SLC17A1: variants seen among roughly 807,000 people sequenced by gnomAD.
SLC17A1 encodes solute carrier family 17 member 1, also known as sodium-dependent phosphate transport protein 1.
SLC17A1 carries 51 observed loss-of-function variants against 53.5 expected under a neutral mutation model. The observed-to-expected ratio is 0.95, with a 90% confidence interval of 0.76 to 1.20. The LOEUF (loss-of-function observed/expected upper bound fraction) is 1.20. Ranked by LOEUF, SLC17A1 falls within the 50% of genes most tolerant of loss-of-function variation. The probability of loss-of-function intolerance (pLI) is 0.00; values close to 1 mark genes in which losing one functional copy is unlikely to be tolerated. For missense variants in SLC17A1, 538 were observed against 568.2 expected (o/e 0.95, Z 0.54); for synonymous variants, 179 against 198.8 (o/e 0.90, Z 0.84).
the SLC17A1 span, among the ~76,000 whole-genome samples, chr6:25,739,705 T>C: frequency 2.0e-5 from 3 of 152,204 alleles, no homozygotes; most frequent in East Asian, 1.9e-4. Context: ...TTACATACTA[T>C]ATGATTCCAT....
chr6:25,732,077 C>T, the SLC17A1 span: 2 of 1,116,176 alleles, frequency 1.8e-6, no homozygotes, highest in Non-Finnish European at 2.5e-6. Flanking sequence ...ATCTCTTGCG[C>T]TTTTTGTCCT....
chr6:25,806,208 G>C (rs1356048250), intron 10 of SLC17A1, among the ~76,000 whole-genome samples: 1 of 152,062 alleles, frequency 6.6e-6, no homozygotes, highest in Non-Finnish European at 1.5e-5. Flanking sequence ...TCATCCTAGG[G>C]ATGCAAGCAT....
intron 10 of SLC17A1, among the ~76,000 whole-genome samples, chr6:25,802,986 G>A (rs1324264935): frequency 1.8e-4 from 19 of 107,746 alleles, no homozygotes; most frequent in African/African-American, 6.2e-4. Context: ...TTGCTCTGTC[G>A]CCCAGGCTGG....
chr6:25,755,570 A>C, the SLC17A1 span, among the ~76,000 whole-genome samples: 12 of 152,352 alleles, frequency 7.9e-5, no homozygotes, highest in Admixed American at 5.9e-4. Context: ...CAGTCTTGGC[A>C]AGAAAAACTG....
intron 6 of SLC17A1, among the ~76,000 whole-genome samples, chr6:25,817,005 G>T (rs529521315): frequency 2.0e-5 from 3 of 151,994 alleles, no homozygotes; most frequent in Non-Finnish European, 4.4e-5. Context: ...CTGCCACCAC[G>T]CCCAGCTAAT....
At chr6:25,767,293 T>C in the SLC17A1 span, among the ~76,000 whole-genome samples, 1 of 152,244 alleles carries the variant, frequency 6.6e-6, no homozygotes, top group Middle Eastern at 3.4e-3. Context: ...GCAAAATACA[T>C]CATGTTTTTA....
intron 3 of SLC17A1, among the ~76,000 whole-genome samples, chr6:25,826,220 G>T (rs1764734981): frequency 6.6e-6 from 1 of 151,956 alleles, no homozygotes; most frequent in African/African-American, 2.4e-5. Flanking sequence ...TTGTAAAGAA[G>T]CCCTAACTCT....
chr6:25,768,401 C>A, the SLC17A1 span: 6 of 988,028 alleles, frequency 6.1e-6, no homozygotes, highest in Non-Finnish European at 6.0e-6. Context: ...ACAGGGATAT[C>A]CCCAGAGCTC....
At chr6:25,741,314 A>G in the SLC17A1 span, among the ~76,000 whole-genome samples, 1 of 151,814 alleles carries the variant, frequency 6.6e-6, no homozygotes, top group Non-Finnish European at 1.5e-5. Context: ...TCACACCTGT[A>G]ATCCCAGCAC....
At chr6:25,807,177 G>T (rs1763987024) in intron 10 of SLC17A1, among the ~76,000 whole-genome samples, 1 of 152,048 alleles carries the variant, frequency 6.6e-6, no homozygotes, top group Non-Finnish European at 1.5e-5. Context: ...CCACTACTGG[G>T]TATCTACCCA....
the SLC17A1 span, among the ~76,000 whole-genome samples, chr6:25,774,745 A>T: frequency 6.6e-6 from 1 of 152,184 alleles, no homozygotes; most frequent in African/African-American, 2.4e-5. Flanking sequence ...TGGGAAAATG[A>T]ATGGAAAGAC....
intron 6 of SLC17A1, among the ~76,000 whole-genome samples, chr6:25,818,142 C>T (rs970506236): frequency 6.6e-6 from 1 of 152,126 alleles, no homozygotes; most frequent in East Asian, 1.9e-4. Flanking sequence ...TGGATTTGGC[C>T]AACAGAAATT....
At chr6:25,784,261 A>C (rs1319784128) in intron 12 of SLC17A1, among the ~76,000 whole-genome samples, 1 of 152,202 alleles carries the variant, frequency 6.6e-6, no homozygotes, top group Non-Finnish European at 1.5e-5. Context: ...ATCATGATAC[A>C]TCTTATCCTA....
chr6:25,825,354 G>A (rs1764704986), intron 3 of SLC17A1, among the ~76,000 whole-genome samples: 3 of 132,042 alleles, frequency 2.3e-5, no homozygotes, highest in Admixed American at 2.2e-4. Flanking sequence ...GCTTTCTCAA[G>A]TTATAGCTAC....
At chr6:25,823,328 ATAAC>A (rs1406833351) in intron 3 of SLC17A1, among the ~76,000 whole-genome samples, 2 of 152,148 alleles carry the variant, frequency 1.3e-5, no homozygotes, top group Non-Finnish European at 2.9e-5. Context: ...TCTTCAGTAA[ATAAC>A]TAGCAGTGGA....
intron 12 of SLC17A1, among the ~76,000 whole-genome samples, chr6:25,796,892 C>T (rs765673331): frequency 3.4e-4 from 51 of 152,160 alleles, no homozygotes; most frequent in Non-Finnish European, 6.0e-4. Context: ...CATTGCTTAT[C>T]GCACAGATGA....
At chr6:25,775,122 G>T in the SLC17A1 span, among the ~76,000 whole-genome samples, 1 of 152,068 alleles carries the variant, frequency 6.6e-6, no homozygotes, top group South Asian at 2.1e-4. Context: ...CTGAGGTCAG[G>T]TGTTTGAGAC....
At chr6:25,830,666 T>A in intron 1 of SLC17A1, 59 bp from the exon 2 acceptor site, 1 of 1,094,684 alleles carries the variant, frequency 9.1e-7, no homozygotes, top group Non-Finnish European at 1.4e-6. Context: ...GACCAAACAC[T>A]ACCCAGTACT....
chr6:25,752,552 C>G, the SLC17A1 span, among the ~76,000 whole-genome samples: 1 of 152,170 alleles, frequency 6.6e-6, no homozygotes, highest in Non-Finnish European at 1.5e-5. Flanking sequence ...ATAATAAATT[C>G]TAGCTTACTA....
Sources: gnomAD v4.1 joint callset for allele counts (sites outside exome capture counted in the v4.1 genomes callset) on GRCh38, gnomAD v4.1.1 for gene constraint, MANE v1.5 for transcripts, NCBI Gene and HGNC (gene_info 2026-07-23, HGNC 2026-07-21) for gene names.